LDAH: variants seen among roughly 807,000 people sequenced by gnomAD.
LDAH encodes lipid droplet associated hydrolase, also known as lipid droplet-associated hydrolase.
In LDAH, 26 loss-of-function variants were observed where a neutral mutation model predicts 29.6. That is an observed-to-expected ratio of 0.88 (90% CI 0.64 to 1.22). LDAH has a LOEUF of 1.22. Among genes scored for constraint, LDAH ranks in the 50% most tolerant of loss-of-function variants. LDAH has a pLI of 0.00. For missense variants in LDAH, 344 were observed against 387.3 expected (o/e 0.89, Z 0.94); for synonymous variants, 117 against 133.0 (o/e 0.88, Z 0.83).
In LDAH at chr2:20,815,723, G is replaced by A. The variant is rs1203471787; in HGVS notation, c.-3+7314C>T. On this transcript the variant is annotated intron_variant, in intron 1 of 6. Coordinates refer to ENST00000237822, the MANE Select transcript of LDAH (RefSeq NM_021925.4). ...AAGGGGAACAACATTCTCAGATGAC[G>A]GAAACTAATTTGTCACTAACAGACA... 3.9e-5 allele frequency among the ~76,000 whole-genome samples: 6 copies of A among 151,902 alleles called. No homozygotes were observed. The East Asian group carries it at 7.7e-4, about 20-fold the overall frequency.
intron 4 of LDAH, among the ~76,000 whole-genome samples, chr2:20,759,830 C>T (rs145321322): frequency 6.6e-6 from 1 of 152,262 alleles, no homozygotes; most frequent in African/African-American, 2.4e-5. Flanking sequence ...TTTTTCAGAC[C>T]TATATCCACA....
chr2:20,812,453 C>T (rs1196490198), intron 1 of LDAH, among the ~76,000 whole-genome samples: 1 of 152,170 alleles, frequency 6.6e-6, no homozygotes, highest in Non-Finnish European at 1.5e-5. Context: ...GCATTTTCAT[C>T]TGGGTGCCTC....
At chr2:20,814,263 TA>T (rs1239882538) in intron 1 of LDAH, among the ~76,000 whole-genome samples, 15 of 151,356 alleles carry the variant, frequency 9.9e-5, no homozygotes, top group African/African-American at 3.6e-4. Context: ...TTTTTAATTA[TA>T]TTGTAGGGAT....
intron 5 of LDAH, among the ~76,000 whole-genome samples, chr2:20,733,899 G>C (rs548110932): frequency 1.6e-3 from 239 of 152,224 alleles, no homozygotes; most frequent in Admixed American, 4.8e-3. Context: ...GAGTTGTTTA[G>C]AAGTGTGCGG....
intron 6 of LDAH, among the ~76,000 whole-genome samples, chr2:20,690,163 T>C (rs1409140816): frequency 6.6e-6 from 1 of 151,972 alleles, no homozygotes. Context: ...GTTAAGGCAG[T>C]GATTTGAGCA....
chr2:20,813,182 A>G (rs1399388011), intron 1 of LDAH, among the ~76,000 whole-genome samples: 1 of 152,156 alleles, frequency 6.6e-6, no homozygotes, highest in African/African-American at 2.4e-5. Context: ...AACCTTTTGC[A>G]TCATGCCTCC....
At chr2:20,733,261 C>T (rs977923640) in intron 5 of LDAH, among the ~76,000 whole-genome samples, 1 of 151,526 alleles carries the variant, frequency 6.6e-6, no homozygotes, top group Non-Finnish European at 1.5e-5. Context: ...GAGATGCTTT[C>T]ACTCTGTCAC....
intron 4 of LDAH, among the ~76,000 whole-genome samples, chr2:20,754,501 A>AAAC (rs1491340692): frequency 1.1e-4 from 3 of 27,466 alleles, no homozygotes; most frequent in Non-Finnish European, 2.1e-4. Flanking sequence ...CCCTCGCCAC[A>AAAC]AAAAAAAAAA....
chr2:20,733,304 T>A (rs2149426186), intron 5 of LDAH, among the ~76,000 whole-genome samples: 1 of 152,010 alleles, frequency 6.6e-6, no homozygotes, highest in Non-Finnish European at 1.5e-5. Flanking sequence ...GATCATGGCT[T>A]ACCGCAGCCT....
At chr2:20,747,635 T>C (rs1667667630) in intron 4 of LDAH, among the ~76,000 whole-genome samples, 1 of 152,170 alleles carries the variant, frequency 6.6e-6, no homozygotes, top group Non-Finnish European at 1.5e-5. Flanking sequence ...GTATGCAGTT[T>C]ATAAACTGCA....
intron 5 of LDAH, among the ~76,000 whole-genome samples, chr2:20,703,124 C>T (rs1664069522): frequency 6.6e-6 from 1 of 152,248 alleles, no homozygotes; most frequent in African/African-American, 2.4e-5. Context: ...CCGCACCCAG[C>T]TCCCAGATTA....
At chr2:20,822,035 ACATTCT>A (rs1166713438) in intron 1 of LDAH, among the ~76,000 whole-genome samples, 2 of 152,162 alleles carry the variant, frequency 1.3e-5, no homozygotes, top group Non-Finnish European at 2.9e-5. Context: ...TTGAGAATAA[ACATTCT>A]GGAGATGCTT....
At chr2:20,704,807 G>A (rs1225625308) in intron 5 of LDAH, among the ~76,000 whole-genome samples, 9 of 152,080 alleles carry the variant, frequency 5.9e-5, no homozygotes, top group Non-Finnish European at 1.2e-4. Flanking sequence ...CTTTTCTCAT[G>A]AGTAGACAAT....
At chr2:20,695,153 A>G (rs1572410620) in intron 6 of LDAH, among the ~76,000 whole-genome samples, 1 of 152,378 alleles carries the variant, frequency 6.6e-6, no homozygotes, top group Admixed American at 6.5e-5. Context: ...GTAAAAATCA[A>G]GTACTATTGT....
intron 5 of LDAH, among the ~76,000 whole-genome samples, chr2:20,717,143 G>T (rs1435410209): frequency 1.3e-5 from 2 of 152,110 alleles, no homozygotes; most frequent in African/African-American, 4.8e-5. Context: ...AAAGGCAAAA[G>T]AATTAAATTT....
At chr2:20,794,804 C>T (rs746170673) in intron 2 of LDAH, among the ~76,000 whole-genome samples, 5 of 152,156 alleles carry the variant, frequency 3.3e-5, no homozygotes, top group Non-Finnish European at 7.4e-5. Context: ...CCAAGCAGCA[C>T]TAGATTGGGT....
At chr2:20,714,559 C>CA (rs758315786) in intron 5 of LDAH, among the ~76,000 whole-genome samples, 4 of 152,020 alleles carry the variant, frequency 2.6e-5, no homozygotes, top group African/African-American at 9.7e-5. Flanking sequence ...GGTAGAGACA[C>CA]AAAAAACCCT....
intron 5 of LDAH, among the ~76,000 whole-genome samples, chr2:20,703,593 C>T (rs907252289): frequency 2.6e-5 from 4 of 152,346 alleles, no homozygotes; most frequent in African/African-American, 9.6e-5. Context: ...TCCACTCTTA[C>T]ACTTCCATTC....
At chr2:20,782,556 TC>T (rs1382396982) in intron 3 of LDAH, among the ~76,000 whole-genome samples, 2 of 152,228 alleles carry the variant, frequency 1.3e-5, no homozygotes, top group Admixed American at 1.3e-4. Flanking sequence ...ATTCTGATCA[TC>T]TATTTTTCCT....
Sources: gnomAD v4.1 joint callset for allele counts (sites outside exome capture counted in the v4.1 genomes callset) on GRCh38, gnomAD v4.1.1 for gene constraint, MANE v1.5 for transcripts, NCBI Gene and HGNC (gene_info 2026-07-23, HGNC 2026-07-21) for gene names.